The following CENPH variants were observed in gnomAD, a reference collection of about 807,000 sequenced individuals.
The protein encoded by CENPH is CENP-H.
In CENPH, 40 loss-of-function variants were observed where a neutral mutation model predicts 42.9. The observed-to-expected ratio is 0.93, with a 90% CI of 0.72 to 1.21. CENPH has a LOEUF of 1.21. CENPH is among the 50% of genes most tolerant of loss of function. The probability of loss-of-function intolerance (pLI) is 0.00; values close to 1 mark genes in which losing one functional copy is unlikely to be tolerated. For missense variants in CENPH, 302 were observed against 292.9 expected (o/e 1.03, Z -0.23); for synonymous variants, 88 against 96.5 (o/e 0.91, Z 0.52).
At chr5:69,193,147 G>GTATATGTATA (rs199599517) in intron 2 of CENPH, among the ~76,000 whole-genome samples, 2 of 150,040 alleles carry the variant, frequency 1.3e-5, no homozygotes, top group Non-Finnish European at 3.0e-5. Context: ...ACACATATAC[G>GTATATGTATA]TATATGTATA....
chr5:69,204,597 CT>C (rs530678541), intron 7 of CENPH, among the ~76,000 whole-genome samples: 502 of 69,572 alleles, frequency 7.2e-3, no homozygotes, highest in African/African-American at 0.019. Flanking sequence ...GCTTGTATTT[CT>C]TTTTTTTTTT....
intron 7 of CENPH, among the ~76,000 whole-genome samples, chr5:69,207,574 G>A (rs981448877): frequency 2.6e-5 from 4 of 151,484 alleles, no homozygotes; most frequent in African/African-American, 7.3e-5. Context: ...TTGGGAGGCC[G>A]AGGCGGGTGG....
At chr5:69,191,519 G>T (rs1268120548) in intron 1 of CENPH, among the ~76,000 whole-genome samples, 1 of 151,970 alleles carries the variant, frequency 6.6e-6, no homozygotes, top group Non-Finnish European at 1.5e-5. Flanking sequence ...CTCAAAAAAA[G>T]AAAAAAATCT....
Position 69,209,872 on chromosome 5 carries a change from G to A in CENPH, c.*73G>A, listed in dbSNP as rs1748218869. The A allele has an allele frequency of 2.4e-6, 2 of 836,504 alleles. No individual in the cohort carries two copies. Among genetic ancestry groups the A allele is most frequent in the African/African-American group, 3.4e-5 (2 of 59,612 alleles). The allele number at this position is 836,504 out of a possible 1,614,324, so 51.8% of individuals were successfully genotyped here. ...TTATTTGGAATACTTCTGTGCATTTGTCTGTCCACCGTAATTTTAGAAAAG... is the reference window on the plus strand; with the variant it reads ...TTATTTGGAATACTTCTGTGCATTTATCTGTCCACCGTAATTTTAGAAAAG... On this transcript the variant is annotated 3_prime_UTR_variant, in exon 9 of 9. Transcript: ENST00000283006.
rs1747895731 is a variant in CENPH at position 69,192,652 on chromosome 5, T to TA, written c.190+803dup. Among the ~76,000 whole-genome samples the TA allele has an allele frequency of 2.0e-5, 3 of 152,128 alleles. No homozygotes were observed. In the South Asian group the frequency reaches 6.2e-4, roughly 32 times the overall value. On this transcript the variant is annotated intron_variant, in intron 2 of 8. Transcript: ENST00000283006. ...AAACGTAGCCAGATATGGTGATACA[T>TA]ACCTATAGTCCCAGCTGGGACTCAC... is the stretch of plus-strand genomic sequence containing the variant.
intron 2 of CENPH, among the ~76,000 whole-genome samples, chr5:69,192,271 G>A: frequency 6.6e-6 from 1 of 152,184 alleles, no homozygotes; most frequent in Non-Finnish European, 1.5e-5. Flanking sequence ...ATAAGAGGGA[G>A]GGGCTTCTTT....
chr5:69,203,114 G>T (rs1156723875), intron 7 of CENPH, 144 bp downstream of exon 7: 7 of 651,418 alleles, frequency 1.1e-5, no homozygotes, highest in Middle Eastern at 2.5e-4. Context: ...CTTAAAAAGT[G>T]ATATAAAGTA....
chr5:69,201,226 A>G (rs1748055642), intron 5 of CENPH, among the ~76,000 whole-genome samples: 1 of 152,150 alleles, frequency 6.6e-6, no homozygotes, highest in East Asian at 1.9e-4. Context: ...TGCTCTGCGC[A>G]GTCTTATTCC....
At chr5:69,202,657 A>G in intron 6 of CENPH, 88 bp downstream of exon 6, 2 of 827,576 alleles carry the variant, frequency 2.4e-6, no homozygotes, top group Non-Finnish European at 2.0e-6. Flanking sequence ...GATTAAATAG[A>G]TTGTCCAAAG....
chr5:69,203,823 A>G (rs1748097604), intron 7 of CENPH, among the ~76,000 whole-genome samples: 1 of 151,500 alleles, frequency 6.6e-6, no homozygotes, highest in Admixed American at 6.6e-5. Flanking sequence ...AGAACTTTAA[A>G]TCACAAAATT....
intron 5 of CENPH, among the ~76,000 whole-genome samples, chr5:69,199,931 GGTAAAA>G (rs1748030670): frequency 1.3e-5 from 2 of 151,936 alleles, no homozygotes; most frequent in South Asian, 4.2e-4. Flanking sequence ...TGGCCAACAT[GGTAAAA>G]CCCTATCTCT....
At chr5:69,204,062 AATAT>A (rs1491281182) in intron 7 of CENPH, among the ~76,000 whole-genome samples, 1 of 50,572 alleles carries the variant, frequency 2.0e-5, no homozygotes, top group African/African-American at 9.1e-5. Context: ...TATATATATA[AATAT>A]ATATAATATA....
In CENPH at chr5:69,191,816, A is replaced by T. The variant is rs149837292; in HGVS notation, c.156A>T (p.Gln52His). ...TCAGGCTGAGAGCACAGACAAAACA[A>T]CAACTCTTAGAATATAAATCAATGG... Reference protein sequence around the residue: ...LLLRLRAQTKQQLLEYKSMVD... With the variant: ...LLLRLRAQTKHQLLEYKSMVD... Residue 52 changes from glutamine to histidine, a missense_variant, in exon 2 of 9, where the codon CAA becomes CAT. Coordinates refer to ENST00000283006, the MANE Select transcript of CENPH (RefSeq NM_022909.4). 2.7e-3 allele frequency: 4,179 copies of T among 1,553,844 alleles called. 22 individuals are homozygous for T. Among genetic ancestry groups the T allele is most frequent in the Non-Finnish European group, 2.1e-3 (2,353 of 1,126,056 alleles).
chr5:69,189,872 C>G lies in CENPH; in HGVS notation c.134+104C>G. On this transcript the variant is annotated intron_variant, in intron 1 of 8. Coordinates refer to ENST00000283006, the MANE Select transcript of CENPH (RefSeq NM_022909.4). ...GGTTCGAATTCACGCTCGGTCACGT[C>G]AGGTCTCCGTGATTGCCTCATTCAC... The G allele has an allele frequency of 4.7e-6, 6 of 1,286,104 alleles. No individual in the cohort carries two copies. In the South Asian group the frequency reaches 7.9e-5, roughly 17 times the overall value. 79.7% of individuals were successfully genotyped at this position (1,286,104 alleles called of 1,614,324 possible). A position where few individuals can be genotyped will look rare whatever the true frequency, so the allele number is the denominator to read the frequency against.
intron 7 of CENPH, among the ~76,000 whole-genome samples, chr5:69,206,826 T>G (rs955255899): frequency 1.3e-5 from 2 of 152,154 alleles, no homozygotes. Flanking sequence ...TATATAGATT[T>G]GCCTGTTAGC....
intron 7 of CENPH, among the ~76,000 whole-genome samples, chr5:69,203,982 A>G (rs993841613): frequency 1.5e-5 from 2 of 129,078 alleles, no homozygotes; most frequent in Non-Finnish European, 3.2e-5. Flanking sequence ...GGAAATTTCT[A>G]TATATATATA....
chr5:69,191,376 G>A (rs1190768013), intron 1 of CENPH, among the ~76,000 whole-genome samples: 1 of 152,184 alleles, frequency 6.6e-6, no homozygotes. Context: ...GCCGGGCATG[G>A]TGGCAGGCGC....
intron 5 of CENPH, among the ~76,000 whole-genome samples, chr5:69,198,327 G>A (rs1460928004): frequency 1.3e-5 from 2 of 150,254 alleles, no homozygotes; most frequent in African/African-American, 2.4e-5. Flanking sequence ...TTTTGGAGAC[G>A]GAATCTTGCT....
intron 2 of CENPH, among the ~76,000 whole-genome samples, chr5:69,192,697 G>A (rs1378601175): frequency 6.6e-6 from 1 of 152,112 alleles, no homozygotes; most frequent in Non-Finnish European, 1.5e-5. Flanking sequence ...CAACTCCTGG[G>A]CTCAAGTGAT....
Sources: gnomAD v4.1 joint callset for allele counts (sites outside exome capture counted in the v4.1 genomes callset) on GRCh38, gnomAD v4.1.1 for gene constraint, MANE v1.5 for transcripts, NCBI Gene and HGNC (gene_info 2026-07-23, HGNC 2026-07-21) for gene names.